The following HIRA variants were observed in gnomAD, a reference collection of about 807,000 sequenced individuals.
HIRA encodes protein HIRA.
In HIRA, 13 loss-of-function variants were observed where a neutral mutation model predicts 126.6. The ratio of observed to expected loss-of-function variants is 0.10; its 90% CI spans 0.07 to 0.16. The LOEUF is 0.16. HIRA is among the 10% of genes least tolerant of loss of function. The pLI is 1.00. For missense variants in HIRA, 834 were observed against 1,314.4 expected, an observed-to-expected ratio of 0.63 and a Z score of 5.65; for synonymous variants, 511 against 520.0, an observed-to-expected ratio of 0.98 and a Z score of 0.24.
rs967885209 is a variant in HIRA, at chr22:19,351,928, C to T, written c.2849-482G>A. Among the ~76,000 whole-genome samples the T allele has an allele frequency of 1.3e-5, 2 of 151,950 alleles. No individual in the cohort carries two copies. The highest frequency in any genetic ancestry group is 2.4e-5 in the African/African-American group (1 of 41,354). ...TGGAGGGGGCATAGGTCCATTAACT[C>T]AAGGGTTATGGGCACCACCCAGTAG... On this transcript the variant is annotated intron_variant, in intron 23 of 24. Coordinates refer to ENST00000263208, the MANE Select transcript of HIRA (RefSeq NM_003325.4). This position sits in a 1 kb window ranked among gnomAD's most constrained non-coding sequence, Gnocchi z 4.8.
intron 6 of HIRA, 79 bp from the exon 7 acceptor site, chr22:19,397,026 T>C (rs2089229563): frequency 7.3e-7 from 1 of 1,367,244 alleles, no homozygotes; most frequent in South Asian, 1.2e-5. Context: ...GGGATGGATA[T>C]GCAAGAGAGG....
chr22:19,358,165 A>C (rs537792775), intron 18 of HIRA, among the ~76,000 whole-genome samples: 25 of 152,212 alleles, frequency 1.6e-4, no homozygotes, highest in African/African-American at 6.0e-4. Context: ...ACGCCTGGCT[A>C]ATTTTTGTAT....
At chr22:19,347,189 C>T (rs1247028543) in intron 24 of HIRA, among the ~76,000 whole-genome samples, 1 of 152,196 alleles carries the variant, frequency 6.6e-6, no homozygotes, top group African/African-American at 2.4e-5. Flanking sequence ...ATGTGCTAAG[C>T]TGTGCTAAGC....
Position 19,416,455 on chromosome 22 carries a change from T to C in HIRA, c.38-5677A>G, listed in dbSNP as rs571796263. ...CCTCCCACCTCAGTCTCCTGAGTAG[T>C]TGGGGACTGAGGGCACAACCACGCC... On this transcript the variant is annotated intron_variant, in intron 1 of 24. Transcript: ENST00000263208. Among the ~76,000 whole-genome samples the C allele has an allele frequency of 5.9e-5, 9 of 152,100 alleles. No homozygotes were observed. In the East Asian group the frequency reaches 9.7e-4, roughly 16 times the overall value.
At chr22:19,407,427 G>A (rs1569309718) in intron 3 of HIRA, among the ~76,000 whole-genome samples, 153 bp from the exon 4 acceptor site, 1 of 152,156 alleles carries the variant, frequency 6.6e-6, no homozygotes, top group Non-Finnish European at 1.5e-5. Context: ...AAACAATTCA[G>A]TTTAAGCACT....
At chr22:19,428,642 G>A (rs1301232071) in intron 1 of HIRA, among the ~76,000 whole-genome samples, 2 of 152,168 alleles carry the variant, frequency 1.3e-5, no homozygotes, top group South Asian at 2.1e-4. Flanking sequence ...TTAGACTCTC[G>A]AAAAACAGAA....
chr22:19,341,432 G>A (rs1490927061), intron 24 of HIRA, among the ~76,000 whole-genome samples: 5 of 135,312 alleles, frequency 3.7e-5, no homozygotes, highest in African/African-American at 1.4e-4. Context: ...CTGGGTGACA[G>A]AGTGGGACCC....
chr22:19,355,858 A>G lies in HIRA; in HGVS notation c.2463T>C (p.Asp821=). 1 of 1,611,370 alleles carries G rather than the reference A, an allele frequency of 6.2e-7. No individual in the cohort carries two copies. The highest frequency in any genetic ancestry group is 8.5e-7 in the Non-Finnish European group (1 of 1,177,606). Residue 821 remains aspartate (D), a synonymous_variant, in exon 21 of 25, where the codon GAT becomes GAC. Coordinates refer to ENST00000263208, the MANE Select transcript of HIRA (RefSeq NM_003325.4). ...ESLHSILAGS[D]MTVSQILLTQ... ...TCAGCAAGATCTGTGATACCGTCAT[A>G]TCACTTCCTGAGGACAGCATGGGAA...
chr22:19,345,849 C>T lies in HIRA; in HGVS notation c.2937+5509G>A, dbSNP rs782050728. ...GGTGTTTGCTTAGTGCCCCAACCTTCTGCTTCTCATTTTCCTCCCATGCAC... is the reference window on the plus strand; with the variant it reads ...GGTGTTTGCTTAGTGCCCCAACCTTTTGCTTCTCATTTTCCTCCCATGCAC... On this transcript the variant is annotated intron_variant, in intron 24 of 24. Coordinates refer to ENST00000263208, the MANE Select transcript of HIRA (RefSeq NM_003325.4). Among the ~76,000 whole-genome samples the T allele has an allele frequency of 2.8e-4, 43 of 152,200 alleles. 1 individual carries two copies. The highest frequency in any genetic ancestry group is 1.3e-4 in the Admixed American group (2 of 15,280).
At chr22:19,377,728 A>C (rs1055925489) in intron 14 of HIRA, 141 bp downstream of exon 14, 1 of 730,212 alleles carries the variant, frequency 1.4e-6, no homozygotes, top group African/African-American at 1.8e-5. Flanking sequence ...AGAAGTCCCC[A>C]TTTCAAATCA....
intron 1 of HIRA, 69 bp from the exon 2 acceptor site, chr22:19,410,847 C>T: frequency 8.0e-7 from 1 of 1,249,578 alleles, no homozygotes; most frequent in African/African-American, 1.5e-5. Flanking sequence ...TCAAACTCAA[C>T]AGATTCAGTT....
chr22:19,372,095 G>C (rs368259595), intron 15 of HIRA, among the ~76,000 whole-genome samples: 27 of 152,136 alleles, frequency 1.8e-4, no homozygotes, highest in African/African-American at 6.5e-4. Context: ...ATGTATATGA[G>C]GGTTCCCTTT....
chr22:19,353,962 T>G, intron 22 of HIRA, 34 bp downstream of exon 22: 2 of 1,609,332 alleles, frequency 1.2e-6, no homozygotes, highest in Non-Finnish European at 1.7e-6. Context: ...AGGGCAGGAC[T>G]AAGGACAGTG....
rs568909833 is a variant in HIRA, at chr22:19,408,899, G to A, written c.101-306C>T. Among the ~76,000 whole-genome samples, 57 of 152,272 alleles carry A rather than the reference G, an allele frequency of 3.7e-4. No individual in the cohort carries two copies. In the South Asian group the frequency reaches 0.011, roughly 30 times the overall value. On this transcript the variant is annotated intron_variant, in intron 2 of 24. Coordinates refer to ENST00000263208, the MANE Select transcript of HIRA (RefSeq NM_003325.4). ...GGCCTCTAACACGGATCCACCAGGG[G>A]TCCCTAAAAGGTCTTCATCCCTGCC...
At chr22:19,368,139 T>C (rs1161652755) in intron 15 of HIRA, among the ~76,000 whole-genome samples, 2 of 152,320 alleles carry the variant, frequency 1.3e-5, no homozygotes, top group Non-Finnish European at 2.9e-5. Context: ...AACCAGCCTC[T>C]GGCCTGTTAG....
At chr22:19,428,951 ACTC>A (rs1160005025) in intron 1 of HIRA, among the ~76,000 whole-genome samples, 1 of 151,452 alleles carries the variant, frequency 6.6e-6, no homozygotes, top group Non-Finnish European at 1.5e-5. Flanking sequence ...AGCCACCAAT[ACTC>A]CTACAGTATT....
At chr22:19,350,228 A>T (rs890217059) in intron 24 of HIRA, among the ~76,000 whole-genome samples, 4 of 152,156 alleles carry the variant, frequency 2.6e-5, no homozygotes, top group Non-Finnish European at 5.9e-5. Flanking sequence ...TCCATAAGAA[A>T]GCAGATCCAT....
At chr22:19,370,930 C>A (rs1246260713) in intron 15 of HIRA, among the ~76,000 whole-genome samples, 2 of 152,140 alleles carry the variant, frequency 1.3e-5, no homozygotes, top group African/African-American at 4.8e-5. Context: ...GAGGAACCAA[C>A]CCTTGTGGCA....
intron 24 of HIRA, among the ~76,000 whole-genome samples, chr22:19,338,341 G>A (rs1556006613): frequency 6.7e-6 from 1 of 149,104 alleles, no homozygotes; most frequent in African/African-American, 2.5e-5. Flanking sequence ...ACAAAACCTT[G>A]AAATACACCA....
Sources: gnomAD v4.1 joint callset for allele counts (sites outside exome capture counted in the v4.1 genomes callset) on GRCh38, gnomAD v4.1.1 for gene constraint, Gnocchi (gnomAD v3.1) non-coding constraint, MANE v1.5 for transcripts, NCBI Gene and HGNC (gene_info 2026-07-23, HGNC 2026-07-21) for gene names.